LDLRAD4: variants seen among roughly 807,000 people sequenced by gnomAD.
LDLRAD4 encodes low density lipoprotein receptor class A domain containing 4, also known as low-density lipoprotein receptor class A domain-containing protein 4.
In LDLRAD4, 5 loss-of-function variants were observed where a neutral mutation model predicts 17.0. The ratio of observed to expected loss-of-function variants is 0.29; its 90% CI spans 0.15 to 0.62. The LOEUF is 0.62. Ranked by LOEUF, LDLRAD4 falls within the 20% of genes least tolerant of loss-of-function variation. The pLI, the probability that LDLRAD4 is intolerant of heterozygous loss-of-function variation, is 0.84. For missense variants in LDLRAD4, 340 were observed against 424.7 expected, an observed-to-expected ratio of 0.80 and a Z score of 1.75; for synonymous variants, 168 against 171.8, an observed-to-expected ratio of 0.98 and a Z score of 0.17.
At chr18:13,332,596 T>G (rs947204650) in intron 1 of LDLRAD4, among the ~76,000 whole-genome samples, 11 of 152,236 alleles carry the variant, frequency 7.2e-5, no homozygotes, top group African/African-American at 2.7e-4. Flanking sequence ...AACCACTGAT[T>G]CTCACTGTCT....
At chr18:13,593,751 A>G (rs1399402947) in intron 3 of LDLRAD4, among the ~76,000 whole-genome samples, 1 of 152,134 alleles carries the variant, frequency 6.6e-6, no homozygotes, top group Non-Finnish European at 1.5e-5. Flanking sequence ...CCTTTATAAC[A>G]GCTCTCCTTC....
intron 3 of LDLRAD4, among the ~76,000 whole-genome samples, chr18:13,529,294 T>C (rs942483834): frequency 6.6e-6 from 1 of 152,256 alleles, no homozygotes; most frequent in Non-Finnish European, 1.5e-5. Flanking sequence ...TCAGGTTCTC[T>C]CTTTGATGTA....
chr18:13,406,457 A>T (rs1484814487), intron 2 of LDLRAD4, among the ~76,000 whole-genome samples: 1 of 152,198 alleles, frequency 6.6e-6, no homozygotes, highest in Non-Finnish European at 1.5e-5. Flanking sequence ...AACACCTGGC[A>T]TCATGCAGAA....
At chr18:13,246,872 A>G (rs2042981457) in intron 1 of LDLRAD4, among the ~76,000 whole-genome samples, 1 of 152,180 alleles carries the variant, frequency 6.6e-6, no homozygotes. Context: ...ATGATCAATA[A>G]CAGGAGATCT....
At chr18:13,286,489 A>G (rs2045629041) in intron 1 of LDLRAD4, among the ~76,000 whole-genome samples, 1 of 152,238 alleles carries the variant, frequency 6.6e-6, no homozygotes, top group African/African-American at 2.4e-5. Flanking sequence ...TTCCTGCCTC[A>G]GCCTCCTGAG....
At chr18:13,527,660 G>A (rs971614776) in intron 3 of LDLRAD4, among the ~76,000 whole-genome samples, 1 of 152,216 alleles carries the variant, frequency 6.6e-6, no homozygotes, top group African/African-American at 2.4e-5. Flanking sequence ...CTTGGAAGAG[G>A]CAGAAGAGAG....
intron 2 of LDLRAD4, among the ~76,000 whole-genome samples, chr18:13,412,658 A>G (rs1439784101): frequency 6.6e-6 from 1 of 152,142 alleles, no homozygotes; most frequent in Non-Finnish European, 1.5e-5. Context: ...CTAGCTATAT[A>G]ATTACGGTGG....
intron 3 of LDLRAD4, among the ~76,000 whole-genome samples, chr18:13,545,280 C>T (rs976289996): frequency 6.6e-6 from 1 of 152,150 alleles, no homozygotes; most frequent in Non-Finnish European, 1.5e-5. Context: ...TGCGCACGTT[C>T]AGGGCAGACG....
intron 1 of LDLRAD4, among the ~76,000 whole-genome samples, chr18:13,223,800 T>C (rs535249996): frequency 6.6e-6 from 1 of 152,340 alleles, no homozygotes; most frequent in Non-Finnish European, 1.5e-5. Flanking sequence ...CCCTGTGACA[T>C]GGGTCCTCCT....
At chr18:13,536,394 G>A (rs2094200851) in intron 3 of LDLRAD4, among the ~76,000 whole-genome samples, 2 of 152,112 alleles carry the variant, frequency 1.3e-5, no homozygotes, top group South Asian at 2.1e-4. Flanking sequence ...GTAAATGAAA[G>A]TATTTTAAAA....
At chr18:13,424,616 G>A (rs960806034) in intron 2 of LDLRAD4, among the ~76,000 whole-genome samples, 9 of 152,172 alleles carry the variant, frequency 5.9e-5, no homozygotes, top group Non-Finnish European at 1.0e-4. Context: ...ACATGGAAGC[G>A]GTGGTACTCA....
At chr18:13,638,218 C>A (rs2042244396) in intron 4 of LDLRAD4, among the ~76,000 whole-genome samples, 1 of 151,510 alleles carries the variant, frequency 6.6e-6, no homozygotes, top group South Asian at 2.1e-4. Context: ...GCTATGAGCA[C>A]ATTTATGAAA....
upstream of LDLRAD4, chr18:13,218,695 C>T (rs982366825): frequency 1.3e-5 from 2 of 152,258 alleles, no homozygotes; most frequent in Non-Finnish European, 2.9e-5. Flanking sequence ...CCCGGGTCCC[C>T]CCGCGCGCGT....
chr18:13,244,471 A>G (rs1390336331), intron 1 of LDLRAD4, among the ~76,000 whole-genome samples: 2 of 152,150 alleles, frequency 1.3e-5, no homozygotes, highest in Non-Finnish European at 2.9e-5. Flanking sequence ...TCAGTTATTA[A>G]AGTTAATTGC....
At chr18:13,516,448 C>A (rs1732507208) in intron 3 of LDLRAD4, among the ~76,000 whole-genome samples, 1 of 152,162 alleles carries the variant, frequency 6.6e-6, no homozygotes, top group Non-Finnish European at 1.5e-5. Flanking sequence ...CCAGGGGACA[C>A]CTGTGCCTCT....
At chr18:13,482,937 G>A (rs1207805208) in intron 3 of LDLRAD4, among the ~76,000 whole-genome samples, 1 of 152,142 alleles carries the variant, frequency 6.6e-6, no homozygotes, top group East Asian at 1.9e-4. Flanking sequence ...AGGGAGGGGA[G>A]TCTAAGACAA....
At chr18:13,317,186 A>G (rs566890676) in intron 1 of LDLRAD4, among the ~76,000 whole-genome samples, 2 of 152,346 alleles carry the variant, frequency 1.3e-5, no homozygotes, top group South Asian at 4.1e-4. Context: ...CAGTGGTAAC[A>G]GGTGAATTCC....
chr18:13,586,862 TA>T (rs61241675), intron 3 of LDLRAD4, among the ~76,000 whole-genome samples: 6,381 of 104,070 alleles, frequency 0.061, 373 homozygotes, highest in African/African-American at 0.18. Context: ...ACTCTGAATC[TA>T]AAAAAAAAAA....
intron 2 of LDLRAD4, among the ~76,000 whole-genome samples, chr18:13,430,805 T>TC (rs1414115148): frequency 6.6e-6 from 1 of 152,150 alleles, no homozygotes; most frequent in Non-Finnish European, 1.5e-5. Context: ...GCCTGCAGGC[T>TC]CCCTAGGCCC....
Sources: gnomAD v4.1 joint callset for allele counts (sites outside exome capture counted in the v4.1 genomes callset) on GRCh38, gnomAD v4.1.1 for gene constraint, MANE v1.5 for transcripts, NCBI Gene and HGNC (gene_info 2026-07-23, HGNC 2026-07-21) for gene names.